PLA2R1: variants seen among roughly 807,000 people sequenced by gnomAD.
PLA2R1 encodes the protein phospholipase A2 receptor 1.
Under a neutral mutation model 195.9 loss-of-function variants are expected in PLA2R1, and 158 were observed. The ratio of observed to expected loss-of-function variants is 0.81; its 90% CI spans 0.71 to 0.92. The LOEUF (loss-of-function observed/expected upper bound fraction) is 0.92, where lower values mean the gene tolerates loss of function less well. Ranked by LOEUF, PLA2R1 falls within the 40% of genes least tolerant of loss-of-function variation. The pLI is 0.00. For missense variants in PLA2R1, 1,626 were observed against 1,764.6 expected (o/e 0.92, Z 1.41); for synonymous variants, 586 against 598.2 (o/e 0.98, Z 0.30).
intron 6 of PLA2R1, among the ~76,000 whole-genome samples, chr2:160,024,582 G>A (rs576908434): frequency 6.6e-6 from 1 of 152,294 alleles, no homozygotes; most frequent in South Asian, 2.1e-4. Flanking sequence ...TGCTTTAGCT[G>A]CCCAAAGCAG....
chr2:159,943,481 C>G (rs868327847), intron 28 of PLA2R1, among the ~76,000 whole-genome samples: 5 of 152,098 alleles, frequency 3.3e-5, no homozygotes, highest in Non-Finnish European at 5.9e-5. Flanking sequence ...AAAGATACAT[C>G]TTTAAGAAAG....
rs1394226705 is a variant in PLA2R1, at chr2:159,933,526, T to TC, written c.*8251dup. 9.2e-5 allele frequency: 14 copies of TC among 152,204 alleles called. No homozygotes were observed. Among genetic ancestry groups the TC allele is most frequent in the Non-Finnish European group, 4.4e-5 (3 of 68,034 alleles). 9.4% of individuals were successfully genotyped at this position (152,204 alleles called of 1,614,324 possible). On this transcript the variant is annotated 3_prime_UTR_variant, in exon 30 of 30. Coordinates refer to ENST00000283243, the MANE Select transcript of PLA2R1 (RefSeq NM_007366.5). ...TTAATCAGTCCCCTCTCCTTTTTTT[T>TC]CTGATTCTCTTCTTCTTGATATTAT...
At chr2:160,050,002 A>T (rs935924096) in intron 1 of PLA2R1, among the ~76,000 whole-genome samples, 1 of 152,208 alleles carries the variant, frequency 6.6e-6, no homozygotes, top group Non-Finnish European at 1.5e-5. Context: ...GAGCTAATGC[A>T]TGTGGGCTTA....
chr2:160,020,187 T>C lies in PLA2R1; in HGVS notation c.1371A>G (p.Ser457=), dbSNP rs1693015392. The C allele has an allele frequency of 6.2e-7, 1 of 1,612,394 alleles. No individual in the cohort carries two copies. The highest frequency in any genetic ancestry group is 1.3e-5 in the African/African-American group (1 of 74,898). Residue 457 remains serine, a synonymous_variant, in exon 8 of 30, where the codon TCA becomes TCG. Coordinates refer to ENST00000283243, the MANE Select transcript of PLA2R1 (RefSeq NM_007366.5). ...PVSFEWSNDS[S]VIFTNWHTLE... ...GTGTGTGCCAATTAGTAAAGATGAC[T>C]GAAGAGTCATTAGACCATTCAAAGG...
chr2:160,021,121 T>TC (rs1328707820), intron 7 of PLA2R1, among the ~76,000 whole-genome samples: 2 of 152,098 alleles, frequency 1.3e-5, no homozygotes, highest in East Asian at 1.9e-4. Flanking sequence ...AGTTTTTTTT[T>TC]CCCCAACAGA....
chr2:159,976,676 C>A lies in PLA2R1; in HGVS notation c.2437+9G>T. On this transcript the variant is annotated intron_variant, in intron 16 of 29. Transcript: ENST00000283243. ...TTAGAAATTCAAGAGCTGCCAGAGT[C>A]ATTCTTACCGTACTGGTACCAGAAC... 6.3e-7 allele frequency: 1 copy of A among 1,575,154 alleles called. No homozygotes were observed. Among genetic ancestry groups the A allele is most frequent in the South Asian group, 1.1e-5 (1 of 90,352 alleles).
chr2:159,991,201 C>T (rs1332490223), intron 11 of PLA2R1, among the ~76,000 whole-genome samples: 2 of 152,200 alleles, frequency 1.3e-5, no homozygotes, highest in Non-Finnish European at 2.9e-5. Context: ...TCCTGTTTCT[C>T]TCCTGTGTGT....
chr2:160,039,818 G>A (rs1036998311), intron 3 of PLA2R1, among the ~76,000 whole-genome samples: 1 of 151,982 alleles, frequency 6.6e-6, no homozygotes, highest in African/African-American at 2.4e-5. Context: ...GTACAAGGCT[G>A]AACAAATAGA....
intron 28 of PLA2R1, among the ~76,000 whole-genome samples, chr2:159,944,375 G>T (rs1687258023): frequency 6.6e-6 from 1 of 152,024 alleles, no homozygotes; most frequent in Non-Finnish European, 1.5e-5. Context: ...TCAGTGACTA[G>T]AATTTTCTAG....
intron 9 of PLA2R1, 85 bp downstream of exon 9, chr2:160,016,529 G>A: frequency 2.8e-6 from 2 of 725,922 alleles, no homozygotes; most frequent in African/African-American, 1.8e-5. Context: ...AGAGGAGAAA[G>A]AGAAATTCAC....
chr2:159,948,776 T>C (rs1184233832), intron 25 of PLA2R1, among the ~76,000 whole-genome samples: 2 of 152,072 alleles, frequency 1.3e-5, no homozygotes, highest in East Asian at 1.9e-4. Flanking sequence ...TAAAAATATA[T>C]AATTTGTATG....
intron 10 of PLA2R1, 95 bp from the exon 11 acceptor site, chr2:160,005,916 T>A: frequency 1.3e-6 from 1 of 787,634 alleles, no homozygotes; most frequent in Non-Finnish European, 2.2e-6. Context: ...GGCCCCAGAG[T>A]AAGCATTTCT....
At chr2:160,043,766 C>A (rs1694691956) in intron 2 of PLA2R1, among the ~76,000 whole-genome samples, 1 of 152,212 alleles carries the variant, frequency 6.6e-6, no homozygotes, top group African/African-American at 2.4e-5. Flanking sequence ...TGGTTTGCAG[C>A]ACTTGCTTTA....
rs371224068 is a variant in PLA2R1, at chr2:159,984,074, C to T, written c.2038-1G>A. ...TCAGAACTTTTTCACTATGAAATAC[C>T]TGTATAGTAAAAGAAAATAAATTAA... On this transcript the variant is annotated splice_acceptor_variant, in intron 12 of 29. Coordinates refer to ENST00000283243, the MANE Select transcript of PLA2R1 (RefSeq NM_007366.5). LOFTEE classifies it high-confidence loss of function. 2.1e-6 allele frequency: 3 copies of T among 1,440,756 alleles called. No individual in the cohort carries two copies. Among genetic ancestry groups the T allele is most frequent in the African/African-American group, 1.4e-5 (1 of 70,648 alleles). The allele number at this position is 1,440,756 out of a possible 1,614,324, so 89.2% of individuals were successfully genotyped here. A position where few individuals can be genotyped will look rare whatever the true frequency, so the allele number is the denominator to read the frequency against.
chr2:159,924,527 G>A, the PLA2R1 span, among the ~76,000 whole-genome samples: 585 of 152,226 alleles, frequency 3.8e-3, 6 homozygotes, highest in African/African-American at 0.013. Context: ...GATGAAAGCA[G>A]CCAAAATGGA....
chr2:159,968,513 T>C (rs1354876310), intron 19 of PLA2R1, among the ~76,000 whole-genome samples: 3 of 152,216 alleles, frequency 2.0e-5, no homozygotes, highest in Non-Finnish European at 4.4e-5. Context: ...AAAAGCAGGC[T>C]GATTAACCAC....
At chr2:159,971,857 G>A (rs1291787639) in intron 17 of PLA2R1, among the ~76,000 whole-genome samples, 2 of 152,118 alleles carry the variant, frequency 1.3e-5, no homozygotes, top group Admixed American at 6.5e-5. Context: ...TAAACAGCAT[G>A]GCTATTTGTC....
Position 160,034,599 on chromosome 2 carries a change from G to C in PLA2R1, c.668-1467C>G, listed in dbSNP as rs997847691. 4.6e-5 allele frequency among the ~76,000 whole-genome samples: 7 copies of C among 152,332 alleles called. No homozygotes were observed. In the East Asian group the frequency reaches 1.3e-3, roughly 29 times the overall value. On this transcript the variant is annotated intron_variant, in intron 3 of 29. Coordinates refer to ENST00000283243, the MANE Select transcript of PLA2R1 (RefSeq NM_007366.5). ...CATCCACCATGACAGCTGAGACCATGATGGGGGAGCGGGGGTGTGTTCATA... is the reference window on the plus strand; with the variant it reads ...CATCCACCATGACAGCTGAGACCATCATGGGGGAGCGGGGGTGTGTTCATA...
rs139860693 is a variant in PLA2R1 at position 159,994,430 on chromosome 2, AAACT to A, written c.1835-7076_1835-7073del. On this transcript the variant is annotated intron_variant, in intron 11 of 29. Coordinates refer to ENST00000283243, the MANE Select transcript of PLA2R1 (RefSeq NM_007366.5). ...GTGAACCTTCTTTGGATCTTGATTC[AAACT>A]AACTGTAAAATACATTATGTAATAT... 5.3e-3 allele frequency among the ~76,000 whole-genome samples: 803 copies of A among 152,242 alleles called. 7 individuals are homozygous for A. Among genetic ancestry groups the A allele is most frequent in the African/African-American group, 0.018 (736 of 41,560 alleles).
Sources: gnomAD v4.1 joint callset for allele counts (sites outside exome capture counted in the v4.1 genomes callset) on GRCh38, gnomAD v4.1.1 for gene constraint, MANE v1.5 for transcripts, NCBI Gene and HGNC (gene_info 2026-07-23, HGNC 2026-07-21) for gene names.